The following AMH variants were observed in gnomAD, a reference collection of about 807,000 sequenced individuals.
AMH encodes the protein anti-Mullerian hormone, also known as anti-Muellerian hormone.
AMH carries 39 observed loss-of-function variants against 33.3 expected under a neutral mutation model. The observed-to-expected ratio is 1.17, with a 90% confidence interval of 0.91 to 1.53. The LOEUF (loss-of-function observed/expected upper bound fraction) is 1.53, where lower values mean the gene tolerates loss of function less well. Ranked by LOEUF, AMH falls within the 40% of genes most tolerant of loss-of-function variation. The pLI is 0.00. For missense variants in AMH, 1,019 were observed against 799.8 expected, an observed-to-expected ratio of 1.27 and a Z score of -3.30; for synonymous variants, 536 against 403.0, an observed-to-expected ratio of 1.33 and a Z score of -3.95.
rs1364107559 is a variant in AMH at position 2,251,424 on chromosome 19, C to T, written c.1150C>T (p.Gln384Ter). The T allele has an allele frequency of 4.9e-6, 7 of 1,441,904 alleles. No homozygotes were observed. The highest frequency in any genetic ancestry group is 6.3e-6 in the Non-Finnish European group (7 of 1,103,198). 89.3% of individuals were successfully genotyped at this position (1,441,904 alleles called of 1,614,324 possible). ...GGCGCGCCGCGTGGCTGCTGAACTGCAAGCGGCGGCTGCCGAGCTGCGAAG... is the reference window on the plus strand; with the variant it reads ...GGCGCGCCGCGTGGCTGCTGAACTGTAAGCGGCGGCTGCCGAGCTGCGAAG... ...ALARRVAAEL[Q>*]AAAAELRSLP... Residue 384 changes from glutamine to a stop codon, truncating the protein, a stop_gained, in exon 5 of 5, where the codon CAA (glutamine) becomes TAA (stop). Coordinates refer to ENST00000221496, the MANE Select transcript of AMH (RefSeq NM_000479.5). LOFTEE classifies it low-confidence loss of function (END_TRUNC).
At chr19:2,249,812 A>G in intron 1 of AMH, 68 bp downstream of exon 1, 1 of 1,428,242 alleles carries the variant, frequency 7.0e-7, no homozygotes, top group South Asian at 1.5e-5. Flanking sequence ...CCTCCTAGGG[A>G]AGATCAGGGG....
rs768016415 is a variant in AMH at position 2,251,702 on chromosome 19, C to G, written c.1428C>G (p.Ser476=). The change falls in exon 5 of 5, where the codon TCC becomes TCG. Residue 476 remains serine (S), a synonymous_variant. Transcript: ENST00000221496. ...GCGTAGACCTCCGCGCCGAGCGCTC[C>G]GTACTCATCCCCGAGACCTACCAGG... ...ELSVDLRAER[S]VLIPETYQAN... is the part of the protein sequence containing the mutation. 5 of 1,611,470 alleles carry G rather than the reference C, an allele frequency of 3.1e-6. No homozygotes were observed. Among genetic ancestry groups the G allele is most frequent in the South Asian group, 1.1e-5 (1 of 91,084 alleles).
Position 2,251,692 on chromosome 19 carries a change from C to A in AMH, c.1418C>A (p.Ala473Asp). The change falls in exon 5 of 5, where the codon GCC becomes GAC. Residue 473 changes from alanine to aspartate, a missense_variant. Physicochemically the swap from Ala to Asp is moderately radical, Grantham distance 126. Transcript: ENST00000221496. ...CGCGAGCTCAGCGTAGACCTCCGCG[C>A]CGAGCGCTCCGTACTCATCCCCGAG... ...ALRELSVDLR[A>D]ERSVLIPETY... 1 of 1,611,422 alleles carries A rather than the reference C, an allele frequency of 6.2e-7. No homozygotes were observed. Among genetic ancestry groups the A allele is most frequent in the Non-Finnish European group, 8.5e-7 (1 of 1,179,456 alleles).
At chr19:2,250,603 G>C (rs1014278163) in intron 2 of AMH, 49 bp from the exon 3 acceptor site, 5 of 1,535,532 alleles carry the variant, frequency 3.3e-6, no homozygotes, top group Non-Finnish European at 4.4e-6. Flanking sequence ...CCGGTAGAGC[G>C]GGGCTGGGTA....
chr19:2,250,958 G>A lies in AMH; in HGVS notation c.774G>A (p.Ala258=), dbSNP rs1384107668. The A allele has an allele frequency of 2.0e-6, 3 of 1,525,112 alleles. No individual in the cohort carries two copies. The highest frequency in any genetic ancestry group is 2.4e-5 in the South Asian group (2 of 82,842). 94.5% of individuals were successfully genotyped at this position (1,525,112 alleles called of 1,614,324 possible). Residue 258 remains alanine (A), a synonymous_variant, in exon 4 of 5, where the codon GCG becomes GCA. Coordinates refer to ENST00000221496, the MANE Select transcript of AMH (RefSeq NM_000479.5). The part of the protein sequence containing the change: ...ALLLLPRSEP[A]PLPAHGQLDT... Reference sequence around the variant, plus strand: ...TCCTGCTGCCGCGGTCCGAGCCCGCGCCGCTGCCTGCGCACGGCCAGCTGG... The same window carrying A: ...TCCTGCTGCCGCGGTCCGAGCCCGCACCGCTGCCTGCGCACGGCCAGCTGG...
At position 2,249,742 on chromosome 19, in the gene AMH, AAGGTATGTGGGGC is replaced by A; in HGVS notation, c.411_412+11del. ...CGCCTGGTGGTCCTACACCTGGAGG[AAGGTATGTGGGGC>A]CCAGCCCCAAGCTTGGCACCGCCGT... On this transcript the variant is annotated splice_donor_variant and splice_donor_5th_base_variant and coding_sequence_variant and intron_variant, in exon 1 of 5. Coordinates refer to ENST00000221496, the MANE Select transcript of AMH (RefSeq NM_000479.5). LOFTEE classifies it high-confidence loss of function. 6.7e-7 allele frequency: 1 copy of A among 1,502,518 alleles called. No individual in the cohort carries two copies. Among genetic ancestry groups the A allele is most frequent in the East Asian group, 2.3e-5 (1 of 43,642 alleles). The allele number at this position is 1,502,518 out of a possible 1,614,324, so 93.1% of individuals were successfully genotyped here. A position where few individuals can be genotyped will look rare whatever the true frequency, so the allele number is the denominator to read the frequency against.
In AMH at chr19:2,251,741, G is replaced by T; in HGVS notation, c.1467G>T (p.Gln489His). 6.2e-7 allele frequency: 1 copy of T among 1,611,740 alleles called. No homozygotes were observed. ...IPETYQANNC[Q>H]GVCGWPQSDR... ...AGACCTACCAGGCCAACAATTGCCA[G>T]GGCGTGTGCGGCTGGCCTCAGTCCG... Residue 489 changes from glutamine (Q) to histidine (H), a missense_variant, in exon 5 of 5, where the codon CAG (glutamine) becomes CAT (histidine). By Grantham distance (24) the Gln-to-His change is conservative. Coordinates refer to ENST00000221496, the MANE Select transcript of AMH (RefSeq NM_000479.5).
Position 2,249,352 on chromosome 19 carries a change from C to A in AMH, c.20C>A (p.Thr7Asn), listed in dbSNP as rs149953700. ...CCCACGATGCGGGACCTGCCTCTCA[C>A]CAGCCTGGCCCTAGTGCTGTCTGCC... is the stretch of plus-strand genomic sequence containing the variant. MRDLPLTSLALVLSALG... is the reference protein window; with the variant it reads MRDLPLNSLALVLSALG... Residue 7 changes from threonine (T) to asparagine (N), a missense_variant, in exon 1 of 5, where the codon ACC becomes AAC. Transcript: ENST00000221496. The A allele has an allele frequency of 6.3e-7, 1 of 1,577,192 alleles. No homozygotes were observed. Among genetic ancestry groups the A allele is most frequent in the African/African-American group, 1.3e-5 (1 of 74,200 alleles).
rs1213036704 is a variant in AMH at position 2,250,063 on chromosome 19, G to A, written c.413-274G>A. 19 of 624,892 alleles carry A rather than the reference G, an allele frequency of 3.0e-5. No homozygotes were observed. The East Asian group carries it at 3.3e-4, about 11-fold the overall frequency. 38.7% of individuals were successfully genotyped at this position (624,892 alleles called of 1,614,324 possible). On this transcript the variant is annotated intron_variant, in intron 1 of 4. Coordinates refer to ENST00000221496, the MANE Select transcript of AMH (RefSeq NM_000479.5). Reference sequence around the variant, plus strand: ...ACAGCCCCAGCCTGTTCTCAGGGCCGCTGGCCTAAGATACTCCCTGCGGGG... The same window carrying A: ...ACAGCCCCAGCCTGTTCTCAGGGCCACTGGCCTAAGATACTCCCTGCGGGG...
In AMH at chr19:2,251,191, C is replaced by A; in HGVS notation, c.917C>A (p.Ala306Asp). ...GTGCGGGCGCTGCGGGTCCCCCCGG[C>A]CCGGGCCTCCGCGCCGCGCCTGGCC... ...RLVRALRVPP[A>D]RASAPRLALD... The change falls in exon 5 of 5, where the codon GCC becomes GAC. Residue 306 changes from alanine (A) to aspartate (D), a missense_variant. Coordinates refer to ENST00000221496, the MANE Select transcript of AMH (RefSeq NM_000479.5). The A allele has an allele frequency of 6.6e-7, 1 of 1,507,862 alleles. No individual in the cohort carries two copies. Among genetic ancestry groups the A allele is most frequent in the South Asian group, 1.2e-5 (1 of 81,074 alleles). The allele number at this position is 1,507,862 out of a possible 1,614,324, so 93.4% of individuals were successfully genotyped here.
chr19:2,249,369 C>G lies in AMH; in HGVS notation c.37C>G (p.Leu13Val), dbSNP rs754607106. Residue 13 changes from leucine (L) to valine (V), a missense_variant, in exon 1 of 5, where the codon CTG becomes GTG. Leu to Val is a conservative substitution (Grantham distance 32). Coordinates refer to ENST00000221496, the MANE Select transcript of AMH (RefSeq NM_000479.5). ...DLPLTSLALV[L>V]SALGALLGTE... ...GCCTCTCACCAGCCTGGCCCTAGTG[C>G]TGTCTGCCCTGGGGGCTCTGCTGGG... 5.1e-6 allele frequency: 8 copies of G among 1,583,204 alleles called. No individual in the cohort carries two copies. In the African/African-American group the frequency reaches 9.4e-5, roughly 19 times the overall value.
At position 2,249,503 on chromosome 19, in the gene AMH, G is replaced by T; in HGVS notation, c.171G>T (p.Val57=). Residue 57 remains valine (V), a synonymous_variant, in exon 1 of 5, where the codon GTG becomes GTT. Coordinates refer to ENST00000221496, the MANE Select transcript of AMH (RefSeq NM_000479.5). ...PGSPQEPLCL[V]ALGGDSNGSS... Reference sequence around the variant, plus strand: ...GCCCACAAGAGCCTCTGTGCCTGGTGGCACTGGGCGGGGACAGCAATGGCA... The same window carrying T: ...GCCCACAAGAGCCTCTGTGCCTGGTTGCACTGGGCGGGGACAGCAATGGCA... 6.2e-7 allele frequency: 1 copy of T among 1,606,414 alleles called. No homozygotes were observed. Among genetic ancestry groups the T allele is most frequent in the South Asian group, 1.1e-5 (1 of 90,218 alleles).
intron 1 of AMH, 186 bp from the exon 2 acceptor site, chr19:2,250,151 A>T: frequency 1.0e-6 from 1 of 990,058 alleles, no homozygotes; most frequent in Non-Finnish European, 1.5e-6. Context: ...CCACAGCCTC[A>T]GACGCAGCCC....
Position 2,249,405 on chromosome 19 carries a change from C to T in AMH, c.73C>T (p.Leu25Phe). The T allele has an allele frequency of 1.9e-6, 3 of 1,594,730 alleles. No individual in the cohort carries two copies. Among genetic ancestry groups the T allele is most frequent in the Non-Finnish European group, 2.6e-6 (3 of 1,171,580 alleles). The change falls in exon 1 of 5, where the codon CTC becomes TTC. Residue 25 changes from leucine (L) to phenylalanine (F), a missense_variant. By Grantham distance (22) the Leu-to-Phe change is conservative. Transcript: ENST00000221496. The stretch of plus-strand genomic sequence containing the variant: ...GGGGGCTCTGCTGGGGACTGAGGCC[C>T]TCAGAGCAGAGGAGCCAGCTGTGGG... Reference protein sequence around the residue: ...ALGALLGTEALRAEEPAVGTS... With the variant: ...ALGALLGTEAFRAEEPAVGTS...
rs759439167 is a variant in AMH at position 2,251,169 on chromosome 19, C to T, written c.895C>T (p.Arg299Trp). 10 of 1,515,700 alleles carry T rather than the reference C, an allele frequency of 6.6e-6. No individual in the cohort carries two copies. In the Admixed American group the frequency reaches 1.0e-4, roughly 15 times the overall value. 93.9% of individuals were successfully genotyped at this position (1,515,700 alleles called of 1,614,324 possible). A position where few individuals can be genotyped will look rare whatever the true frequency, so the allele number is the denominator to read the frequency against. The change falls in exon 5 of 5, where the codon CGG becomes TGG. Residue 299 changes from arginine (R) to tryptophan (W), a missense_variant. Coordinates refer to ENST00000221496, the MANE Select transcript of AMH (RefSeq NM_000479.5). Reference protein sequence around the residue: ...PFLETLTRLVRALRVPPARAS... With the variant: ...PFLETLTRLVWALRVPPARAS... ...CCTGGAGACGCTCACGCGCCTGGTG[C>T]GGGCGCTGCGGGTCCCCCCGGCCCG...
rs1172833257 is a variant in AMH at position 2,251,756 on chromosome 19, G to A, written c.1482G>A (p.Trp494Ter). The change falls in exon 5 of 5, where the codon TGG (tryptophan) becomes TGA (stop). Residue 494 changes from tryptophan to a stop codon, truncating the protein, a stop_gained. Transcript: ENST00000221496. LOFTEE classifies it high-confidence loss of function. ...QANNCQGVCGWPQSDRNPRYG... is the reference protein window; with the variant it reads ...QANNCQGVCG ...ACAATTGCCAGGGCGTGTGCGGCTGGCCTCAGTCCGACCGCAACCCGCGCT... is the reference window on the plus strand; with the variant it reads ...ACAATTGCCAGGGCGTGTGCGGCTGACCTCAGTCCGACCGCAACCCGCGCT... 5 of 1,611,376 alleles carry A rather than the reference G, an allele frequency of 3.1e-6. No individual in the cohort carries two copies. The African/African-American group carries it at 4.0e-5, about 13-fold the overall frequency.
chr19:2,252,058 C>T lies in AMH; in HGVS notation c.*101C>T. On this transcript the variant is annotated 3_prime_UTR_variant, in exon 5 of 5. Coordinates refer to ENST00000221496, the MANE Select transcript of AMH (RefSeq NM_000479.5). Reference sequence around the variant, plus strand: ...ACCCCAAGCATCGCCCCAATAAAGACCAGCAAGCAACCGGCTGGGGTGTCC... The same window carrying T: ...ACCCCAAGCATCGCCCCAATAAAGATCAGCAAGCAACCGGCTGGGGTGTCC... The T allele has an allele frequency of 6.7e-7, 1 of 1,482,868 alleles. No individual in the cohort carries two copies. Among genetic ancestry groups the T allele is most frequent in the Non-Finnish European group, 9.0e-7 (1 of 1,107,312 alleles). 91.9% of individuals were successfully genotyped at this position (1,482,868 alleles called of 1,614,324 possible).
At chr19:2,249,932 C>T (rs1190025271) in intron 1 of AMH, 188 bp downstream of exon 1, 2 of 729,262 alleles carry the variant, frequency 2.7e-6, no homozygotes, top group African/African-American at 3.6e-5. Context: ...TCCCCGAAGC[C>T]CAGCTCTTAG....
rs201324658 is a variant in AMH at position 2,250,986 on chromosome 19, A to G, written c.802A>G (p.Thr268Ala). Reference protein sequence around the residue: ...APLPAHGQLDTVPFPPPRPSA... With the variant: ...APLPAHGQLDAVPFPPPRPSA... ...GCTGCCTGCGCACGGCCAGCTGGACACCGTGCCCTTCCCGCCGCCCAGGTG... is the reference window on the plus strand; with the variant it reads ...GCTGCCTGCGCACGGCCAGCTGGACGCCGTGCCCTTCCCGCCGCCCAGGTG... Residue 268 changes from threonine to alanine, a missense_variant, in exon 4 of 5, where the codon ACC (threonine) becomes GCC (alanine). Physicochemically the swap from Thr to Ala is moderately conservative, Grantham distance 58 (BLOSUM62 0). Coordinates refer to ENST00000221496, the MANE Select transcript of AMH (RefSeq NM_000479.5). 3.7e-4 allele frequency: 555 copies of G among 1,516,086 alleles called. 2 individuals carry two copies. Among genetic ancestry groups the G allele is most frequent in the Non-Finnish European group, 4.4e-4 (503 of 1,139,184 alleles). The allele number at this position is 1,516,086 out of a possible 1,614,324, so 93.9% of individuals were successfully genotyped here.
Sources: gnomAD v4.1 joint callset for allele counts on GRCh38, gnomAD v4.1.1 for gene constraint, MANE v1.5 for transcripts, NCBI Gene and HGNC (gene_info 2026-07-23, HGNC 2026-07-21) for gene names.